The following CLTCL1 variants were observed in gnomAD, a reference collection of about 807,000 sequenced individuals.
The protein encoded by CLTCL1 is clathrin heavy chain 2.
A neutral mutation model predicts 190.0 loss-of-function variants in CLTCL1; 159 were observed. The ratio of observed to expected loss-of-function variants is 0.84; its 90% CI spans 0.74 to 0.95. The LOEUF (loss-of-function observed/expected upper bound fraction) is 0.95. Among genes scored for constraint, CLTCL1 ranks in the 40% least tolerant of loss-of-function variants. The pLI is 0.00. For synonymous variants in CLTCL1, 752 were observed against 769.6 expected, an observed-to-expected ratio of 0.98 and a Z score of 0.38; for missense variants, 1,878 against 2,033.4, an observed-to-expected ratio of 0.92 and a Z score of 1.47.
intron 1 of CLTCL1, among the ~76,000 whole-genome samples, chr22:19,278,369 A>G (rs150505120): frequency 5.3e-5 from 8 of 152,304 alleles, no homozygotes; most frequent in South Asian, 2.1e-4. Context: ...CGGAAGCACC[A>G]AGAGAGACCG....
chr22:19,182,433 C>T (rs1447056519), intron 30 of CLTCL1: 2 of 151,784 alleles, frequency 1.3e-5, no homozygotes, highest in Non-Finnish European at 1.5e-5. Flanking sequence ...ATCAGGGAGT[C>T]TCACTCAGGC....
intron 22 of CLTCL1, among the ~76,000 whole-genome samples, chr22:19,204,065 ATGCACTCCC>A (rs1284886234): frequency 6.6e-6 from 1 of 151,832 alleles, no homozygotes; most frequent in African/African-American, 2.4e-5. Context: ...ATCCTCCTCT[ATGCACTCCC>A]TGCTCCACCC....
chr22:19,184,428 G>A (rs137921350), intron 29 of CLTCL1: 108 of 455,160 alleles, frequency 2.4e-4, no homozygotes, highest in Non-Finnish European at 9.7e-5. Flanking sequence ...CCCTGAGGAC[G>A]CCCAGTGCCC....
rs782541791 is a variant in CLTCL1 at position 19,191,353 on chromosome 22, A to C, written c.4274T>G (p.Val1425Gly). 4.3e-6 allele frequency: 7 copies of C among 1,614,030 alleles called. No homozygotes were observed. In the East Asian group the frequency reaches 1.3e-4, roughly 31 times the overall value. Residue 1425 changes from valine (V) to glycine (G), a missense_variant, in exon 27 of 33, where the codon GTG becomes GGG. Coordinates refer to ENST00000427926, the MANE Select transcript of CLTCL1 (RefSeq NM_007098.4). Reference sequence around the variant, plus strand: ...GGTGTGGTCCAGCCGGGGTGAAAGCACCAGCAGCAGGTCATTGATGAGCAG... The same window carrying C: ...GGTGTGGTCCAGCCGGGGTGAAAGCCCCAGCAGCAGGTCATTGATGAGCAG... ...KPLLINDLLL[V>G]LSPRLDHTWT... is the part of the protein sequence containing the mutation.
chr22:19,250,427 C>T (rs1393182000), intron 3 of CLTCL1, among the ~76,000 whole-genome samples: 1 of 150,810 alleles, frequency 6.6e-6, no homozygotes, highest in Non-Finnish European at 1.5e-5. Context: ...TAACCTTGAA[C>T]TCCTGGGCTC....
intron 2 of CLTCL1, among the ~76,000 whole-genome samples, chr22:19,271,220 A>G (rs1247522085): frequency 4.6e-5 from 7 of 152,282 alleles, no homozygotes; most frequent in African/African-American, 1.7e-4. Flanking sequence ...CTGAAAAGGT[A>G]ATGTGATATG....
intron 1 of CLTCL1, among the ~76,000 whole-genome samples, chr22:19,290,348 G>T (rs1158023538): frequency 6.6e-6 from 1 of 152,204 alleles, no homozygotes. Context: ...CAGTTATCAT[G>T]AGGATTAAAT....
At chr22:19,265,353 C>T (rs1221973007) in intron 2 of CLTCL1, among the ~76,000 whole-genome samples, 1 of 151,964 alleles carries the variant, frequency 6.6e-6, no homozygotes, top group Non-Finnish European at 1.5e-5. Context: ...AAGATGGGAG[C>T]TCAAATCCAC....
intron 1 of CLTCL1, among the ~76,000 whole-genome samples, chr22:19,286,505 T>C (rs1324891772): frequency 1.3e-5 from 2 of 152,160 alleles, no homozygotes; most frequent in Non-Finnish European, 2.9e-5. Flanking sequence ...CAAAAACCAC[T>C]TCACAAAATG....
intron 18 of CLTCL1, among the ~76,000 whole-genome samples, chr22:19,217,274 C>T (rs1327077335): frequency 1.3e-5 from 2 of 152,102 alleles, no homozygotes; most frequent in Non-Finnish European, 2.9e-5. Context: ...ACAAGTCCAT[C>T]CAAAGGAGAA....
intron 1 of CLTCL1, among the ~76,000 whole-genome samples, chr22:19,285,748 G>C (rs2087883919): frequency 6.6e-6 from 1 of 152,154 alleles, no homozygotes; most frequent in Admixed American, 6.6e-5. Context: ...AGAAGCAAAG[G>C]AAGGAAAAAT....
chr22:19,252,237 T>G (rs1243313841), intron 3 of CLTCL1, among the ~76,000 whole-genome samples: 1 of 152,232 alleles, frequency 6.6e-6, no homozygotes, highest in Non-Finnish European at 1.5e-5. Flanking sequence ...AATTCCACTA[T>G]GCTGCTAAGA....
At chr22:19,280,954 G>A (rs2087689528) in intron 1 of CLTCL1, among the ~76,000 whole-genome samples, 1 of 151,792 alleles carries the variant, frequency 6.6e-6, no homozygotes, top group African/African-American at 2.4e-5. Flanking sequence ...TGTGAATGGG[G>A]AGTCATTTCT....
intron 3 of CLTCL1, among the ~76,000 whole-genome samples, chr22:19,252,888 C>A (rs1401391334): frequency 1.3e-5 from 2 of 152,006 alleles, no homozygotes. Context: ...GTGGTGGGCG[C>A]CTGTAGTCCC....
Position 19,196,386 on chromosome 22 carries a change from C to T in CLTCL1, c.4071G>A (p.Leu1357=). The part of the protein sequence containing the change: ...KVLRAAEQAH[L]WAELVFLYDK... The stretch of plus-strand genomic sequence containing the variant: ...CATAGAGGAACACCAGCTCAGCCCA[C>T]AGGTGTGCCTGCTCTGCAGCCCTCA... The change falls in exon 26 of 33, where the codon CTG becomes CTA. Residue 1357 remains leucine (L), a synonymous_variant. Coordinates refer to ENST00000427926, the MANE Select transcript of CLTCL1 (RefSeq NM_007098.4). 1 of 1,614,056 alleles carries T rather than the reference C, an allele frequency of 6.2e-7. No individual in the cohort carries two copies. The highest frequency in any genetic ancestry group is 8.5e-7 in the Non-Finnish European group (1 of 1,179,902).
At chr22:19,220,659 C>A (rs2085538109) in intron 17 of CLTCL1, among the ~76,000 whole-genome samples, 2 of 152,212 alleles carry the variant, frequency 1.3e-5, no homozygotes, top group South Asian at 4.1e-4. Context: ...CGGCACAAGG[C>A]TGAGCGGCGT....
At position 19,253,947 on chromosome 22, in the gene CLTCL1, C is replaced by A; in HGVS notation, c.519+12G>T. Reference sequence around the variant, plus strand: ...ACATCAGACCAGCCCCTAAAGGCAGCTCAAGGCTTACCTGAGCCGAGATGC... The same window carrying A: ...ACATCAGACCAGCCCCTAAAGGCAGATCAAGGCTTACCTGAGCCGAGATGC... On this transcript the variant is annotated intron_variant, in intron 3 of 32. Transcript: ENST00000427926. 6.2e-7 allele frequency: 1 copy of A among 1,610,348 alleles called. No individual in the cohort carries two copies. The highest frequency in any genetic ancestry group is 8.5e-7 in the Non-Finnish European group (1 of 1,177,440).
In CLTCL1 at chr22:19,223,980, C is replaced by A. The variant is rs2085658509; in HGVS notation, c.2203G>T (p.Ala735Ser). ...TCCTTGATCTGCCCTGTCTTACAGG[C>A]AGCCTGAATGTATTTCAGATGCACA... ...PDVHLKYIQAACKTGQIKEVE... is the reference protein window; with the variant it reads ...PDVHLKYIQASCKTGQIKEVE... Residue 735 changes from alanine (A) to serine (S), a missense_variant, in exon 14 of 33, where the codon GCC becomes TCC. By Grantham distance (99) the Ala-to-Ser change is moderately conservative (BLOSUM62 1). Coordinates refer to ENST00000427926, the MANE Select transcript of CLTCL1 (RefSeq NM_007098.4). The A allele has an allele frequency of 6.2e-7, 1 of 1,614,022 alleles. No homozygotes were observed. Among genetic ancestry groups the A allele is most frequent in the African/African-American group, 1.3e-5 (1 of 75,052 alleles).
chr22:19,211,203 A>T (rs943318506), intron 19 of CLTCL1, among the ~76,000 whole-genome samples: 6 of 152,242 alleles, frequency 3.9e-5, no homozygotes, highest in Non-Finnish European at 8.8e-5. Context: ...CATCTGACAA[A>T]ATCTAACACC....
Sources: allele counts gnomAD v4.1 joint callset (sites outside exome capture counted in the v4.1 genomes callset), GRCh38; gene constraint gnomAD v4.1.1; transcripts MANE v1.5; gene names NCBI Gene and HGNC (gene_info 2026-07-23, HGNC 2026-07-21).